The following SEMA3E variants were observed in gnomAD, a reference collection of about 807,000 sequenced individuals.
SEMA3E encodes semaphorin 3E, also known as semaphorin-3E.
A neutral mutation model predicts 93.6 loss-of-function variants in SEMA3E; 49 were observed. The observed-to-expected ratio is 0.52, with a 90% CI of 0.42 to 0.66. The LOEUF (loss-of-function observed/expected upper bound fraction) is 0.66, where lower values mean the gene tolerates loss of function less well. SEMA3E is among the 30% of genes least tolerant of loss of function. The probability of loss-of-function intolerance (pLI) is 0.00; values close to 1 mark genes in which losing one functional copy is unlikely to be tolerated. For missense variants in SEMA3E, 906 were observed against 964.8 expected (o/e 0.94, Z 0.81); for synonymous variants, 363 against 330.7 (o/e 1.10, Z -1.06).
At chr7:83,476,829 A>G (rs1790021264) in intron 2 of SEMA3E, among the ~76,000 whole-genome samples, 1 of 152,220 alleles carries the variant, frequency 6.6e-6, no homozygotes, top group Non-Finnish European at 1.5e-5. Flanking sequence ...AACAGGGTAT[A>G]ATGTGATTTC....
intron 10 of SEMA3E, among the ~76,000 whole-genome samples, chr7:83,400,904 C>T (rs1265008241): frequency 6.6e-6 from 1 of 152,024 alleles, no homozygotes; most frequent in Non-Finnish European, 1.5e-5. Context: ...CTAAGGATCA[C>T]AACTGTACAA....
chr7:83,477,496 T>C (rs1468396913), intron 2 of SEMA3E, among the ~76,000 whole-genome samples: 1 of 152,156 alleles, frequency 6.6e-6, no homozygotes, highest in East Asian at 1.9e-4. Context: ...TTATCTGTCA[T>C]TATGTTTATG....
At chr7:83,598,071 T>C (rs1792913237) in intron 1 of SEMA3E, among the ~76,000 whole-genome samples, 1 of 152,184 alleles carries the variant, frequency 6.6e-6, no homozygotes, top group African/African-American at 2.4e-5. Flanking sequence ...TATCAATATA[T>C]GAGTTAGGTT....
At chr7:83,436,240 T>C (rs1025032046) in intron 4 of SEMA3E, among the ~76,000 whole-genome samples, 2 of 151,034 alleles carry the variant, frequency 1.3e-5, no homozygotes, top group Non-Finnish European at 2.9e-5. Flanking sequence ...ACAACACAAA[T>C]AAATCTAAAA....
At chr7:83,406,684 A>G (rs540218471) in intron 7 of SEMA3E, among the ~76,000 whole-genome samples, 40 of 152,092 alleles carry the variant, frequency 2.6e-4, no homozygotes, top group Middle Eastern at 3.2e-3. Context: ...ACCTCTCTAA[A>G]TATTCAGTAA....
At chr7:83,423,241 A>T (rs1788703798) in intron 4 of SEMA3E, among the ~76,000 whole-genome samples, 1 of 152,122 alleles carries the variant, frequency 6.6e-6, no homozygotes, top group African/African-American at 2.4e-5. Context: ...TTCTTTTATA[A>T]AAATCTCAAG....
At chr7:83,514,522 G>C (rs1322953988) in intron 1 of SEMA3E, among the ~76,000 whole-genome samples, 1 of 151,996 alleles carries the variant, frequency 6.6e-6, no homozygotes, top group Admixed American at 6.6e-5. Context: ...AAAAGATCTT[G>C]TGTTGTTGTT....
chr7:83,544,618 G>A (rs1005353298), intron 1 of SEMA3E, among the ~76,000 whole-genome samples: 1 of 152,106 alleles, frequency 6.6e-6, no homozygotes, highest in Non-Finnish European at 1.5e-5. Flanking sequence ...TTGTAGATAT[G>A]AATAATATTT....
At chr7:83,484,654 T>G in intron 2 of SEMA3E, among the ~76,000 whole-genome samples, 1 of 151,456 alleles carries the variant, frequency 6.6e-6, no homozygotes, top group Admixed American at 6.6e-5. Context: ...CACCCTACTC[T>G]CCTCACCAAC....
rs73708244 is a variant in SEMA3E at position 83,530,074 on chromosome 7, T to C, written c.116-39800A>G. Among the ~76,000 whole-genome samples the C allele has an allele frequency of 3.2e-3, 480 of 152,270 alleles. 2 individuals are homozygous for C. The highest frequency in any genetic ancestry group is 0.011 in the African/African-American group (459 of 41,570). Reference sequence around the variant, plus strand: ...CAACTTTTCTAGGCCGTGGGCATAATGCAGTGATCAAAAGAGAATCATTGA... The same window carrying C: ...CAACTTTTCTAGGCCGTGGGCATAACGCAGTGATCAAAAGAGAATCATTGA... On this transcript the variant is annotated intron_variant, in intron 1 of 16. Coordinates refer to ENST00000643230, the MANE Select transcript of SEMA3E (RefSeq NM_012431.3).
intron 1 of SEMA3E, among the ~76,000 whole-genome samples, chr7:83,539,896 T>TGTGTG (rs1584318443): frequency 3.3e-5 from 5 of 150,536 alleles, no homozygotes; most frequent in Admixed American, 6.6e-5. Context: ...TGTGTGTGTG[T>TGTGTG]TTGAAGTGGA....
chr7:83,459,491 G>T (rs1387668958), intron 4 of SEMA3E, among the ~76,000 whole-genome samples: 1 of 152,110 alleles, frequency 6.6e-6, no homozygotes, highest in East Asian at 1.9e-4. Flanking sequence ...ATACTTTGTT[G>T]TACACATCTA....
At chr7:83,455,275 A>G (rs1789457357) in intron 4 of SEMA3E, among the ~76,000 whole-genome samples, 1 of 152,204 alleles carries the variant, frequency 6.6e-6, no homozygotes, top group Non-Finnish European at 1.5e-5. Flanking sequence ...CCTCAAGGAC[A>G]ATCAAATTTT....
At chr7:83,437,943 TGAAATAAGCC>T (rs1449291215) in intron 4 of SEMA3E, among the ~76,000 whole-genome samples, 3 of 152,150 alleles carry the variant, frequency 2.0e-5, no homozygotes, top group Non-Finnish European at 4.4e-5. Context: ...TGCAACAGAT[TGAAATAAGCC>T]TAAACAAGCA....
intron 2 of SEMA3E, among the ~76,000 whole-genome samples, chr7:83,470,686 GC>G (rs1789872050): frequency 6.6e-6 from 1 of 151,904 alleles, no homozygotes; most frequent in Non-Finnish European, 1.5e-5. Flanking sequence ...GTATACTATT[GC>G]TTTTTGTGCA....
intron 1 of SEMA3E, among the ~76,000 whole-genome samples, chr7:83,578,620 T>G: frequency 6.6e-6 from 1 of 152,230 alleles, no homozygotes; most frequent in East Asian, 1.9e-4. Context: ...GAAAATTGTT[T>G]TATCTGTTCT....
chr7:83,594,287 T>C, intron 1 of SEMA3E, among the ~76,000 whole-genome samples: 1 of 152,156 alleles, frequency 6.6e-6, no homozygotes, highest in Middle Eastern at 3.2e-3. Flanking sequence ...AGGAAGTTTA[T>C]TTAGCGCTTT....
intron 16 of SEMA3E, among the ~76,000 whole-genome samples, chr7:83,373,505 A>T (rs1475631763): frequency 2.0e-5 from 3 of 152,164 alleles, no homozygotes; most frequent in African/African-American, 7.2e-5. Flanking sequence ...TTTCCAACAT[A>T]AACCTGATAT....
At chr7:83,506,017 A>T (rs1363659986) in intron 1 of SEMA3E, among the ~76,000 whole-genome samples, 1 of 88,184 alleles carries the variant, frequency 1.1e-5, no homozygotes, top group Non-Finnish European at 2.2e-5. Flanking sequence ...TCCGTCTCCA[A>T]AAAAAAAAAA....
Sources: gnomAD v4.1 joint callset for allele counts (sites outside exome capture counted in the v4.1 genomes callset) on GRCh38, gnomAD v4.1.1 for gene constraint, MANE v1.5 for transcripts, NCBI Gene and HGNC (gene_info 2026-07-23, HGNC 2026-07-21) for gene names.